Variants in PIP4K2B observed in about 807,000 individuals in gnomAD.
The protein encoded by PIP4K2B is phosphatidylinositol-5-phosphate 4-kinase type 2 beta.
In PIP4K2B, 3 loss-of-function variants were observed where a neutral mutation model predicts 42.0. The observed-to-expected ratio is 0.07, with a 90% CI of 0.03 to 0.18. The LOEUF (loss-of-function observed/expected upper bound fraction) is 0.18. PIP4K2B is among the 10% of genes least tolerant of loss of function. The pLI is 1.00. For synonymous variants in PIP4K2B, 204 were observed against 210.1 expected, an observed-to-expected ratio of 0.97 and a Z score of 0.25; for missense variants, 332 against 562.3, an observed-to-expected ratio of 0.59 and a Z score of 4.14.
intron 1 of PIP4K2B, among the ~76,000 whole-genome samples, chr17:38,788,846 G>C (rs945202372): frequency 6.6e-6 from 1 of 150,660 alleles, no homozygotes; most frequent in Admixed American, 6.7e-5. Context: ...CCAGCTACTC[G>C]GGAGGCTGAG....
Position 38,767,615 on chromosome 17 carries a change from CATT to C in PIP4K2B, c.*2073_*2075del, listed in dbSNP as rs1908773339. ...AAGAATGTGTTACACTTTCCATACACATTATGGCAACATGATCAGCAGACCAAA... is the reference window on the plus strand; with the variant it reads ...AAGAATGTGTTACACTTTCCATACACATGGCAACATGATCAGCAGACCAAA... On this transcript the variant is annotated 3_prime_UTR_variant, in exon 10 of 10. Transcript: ENST00000619039. 2.0e-5 allele frequency: 3 copies of C among 152,288 alleles called. No individual in the cohort carries two copies. The South Asian group carries it at 6.2e-4, about 32-fold the overall frequency. The allele number at this position is 152,288 out of a possible 1,614,324, so 9.4% of individuals were successfully genotyped here.
intron 9 of PIP4K2B, among the ~76,000 whole-genome samples, chr17:38,770,050 C>T (rs73295126): frequency 0.013 from 1,965 of 152,300 alleles, 45 homozygotes; most frequent in African/African-American, 0.045. Context: ...GTGGGGGCCA[C>T]TACATGGAGA....
At chr17:38,791,250 TA>T (rs1910323457) in intron 1 of PIP4K2B, among the ~76,000 whole-genome samples, 1 of 152,048 alleles carries the variant, frequency 6.6e-6, no homozygotes, top group Admixed American at 6.6e-5. Context: ...CCTCTCCTGG[TA>T]TTGCACCAAG....
chr17:38,794,588 T>A (rs1295252554), intron 1 of PIP4K2B, among the ~76,000 whole-genome samples: 25 of 55,696 alleles, frequency 4.5e-4, no homozygotes, highest in East Asian at 1.4e-3. Flanking sequence ...TCCTGGGCAA[T>A]ACAGAGAAAC....
chr17:38,784,012 CCTCT>C (rs1426127839), intron 3 of PIP4K2B, among the ~76,000 whole-genome samples: 21 of 152,210 alleles, frequency 1.4e-4, no homozygotes, highest in Admixed American at 1.3e-3. Flanking sequence ...TGCTGCCCTC[CCTCT>C]GAGGGAGAGG....
At chr17:38,770,901 A>G in intron 8 of PIP4K2B, 113 bp downstream of exon 8, 1 of 1,236,304 alleles carries the variant, frequency 8.1e-7, no homozygotes, top group Non-Finnish European at 1.1e-6. Context: ...AAGAGGTCAA[A>G]GGCAGCAATG....
chr17:38,795,818 CA>C (rs1910630243), intron 1 of PIP4K2B, among the ~76,000 whole-genome samples: 1 of 151,488 alleles, frequency 6.6e-6, no homozygotes, highest in Admixed American at 6.6e-5. Flanking sequence ...TGCTCAACAT[CA>C]TTAGTTATCA....
intron 1 of PIP4K2B, 33 bp from the exon 2 acceptor site, chr17:38,786,953 CAGG>C (rs775806488): frequency 8.0e-5 from 111 of 1,383,824 alleles, no homozygotes; most frequent in Non-Finnish European, 1.1e-4. Flanking sequence ...GGCTCTCAGC[CAGG>C]AGGCCACCTG....
At chr17:38,771,467 G>A (rs1909037560) in intron 7 of PIP4K2B, among the ~76,000 whole-genome samples, 195 bp from the exon 8 acceptor site, 1 of 150,924 alleles carries the variant, frequency 6.6e-6, no homozygotes, top group South Asian at 2.1e-4. Flanking sequence ...ATTCAGCAGG[G>A]GAAAGGCAGG....
At chr17:38,788,993 C>A (rs576976330) in intron 1 of PIP4K2B, among the ~76,000 whole-genome samples, 1 of 151,776 alleles carries the variant, frequency 6.6e-6, no homozygotes, top group East Asian at 1.9e-4. Flanking sequence ...GTCGTGTACA[C>A]CTATCATCCT....
chr17:38,770,057 G>A (rs1044333943), intron 9 of PIP4K2B, among the ~76,000 whole-genome samples: 1 of 152,226 alleles, frequency 6.6e-6, no homozygotes, highest in Non-Finnish European at 1.5e-5. Context: ...CCACTACATG[G>A]AGAACAGGGC....
intron 1 of PIP4K2B, among the ~76,000 whole-genome samples, chr17:38,798,695 C>G (rs1910780052): frequency 6.6e-6 from 1 of 152,136 alleles, no homozygotes; most frequent in Non-Finnish European, 1.5e-5. Context: ...TCAAGGAAGC[C>G]TGTGCTTCTC....
chr17:38,795,239 A>T (rs1027747962), intron 1 of PIP4K2B, among the ~76,000 whole-genome samples: 3 of 152,318 alleles, frequency 2.0e-5, no homozygotes, highest in African/African-American at 7.2e-5. Context: ...TAATAAGAAG[A>T]TAACCCAATT....
chr17:38,793,074 G>A (rs538481775), intron 1 of PIP4K2B, among the ~76,000 whole-genome samples: 163 of 150,788 alleles, frequency 1.1e-3, no homozygotes, highest in African/African-American at 3.9e-3. Flanking sequence ...GATTACAGGC[G>A]CATGCCACCA....
intron 4 of PIP4K2B, chr17:38,779,997 A>T (rs1249574163): frequency 1.7e-5 from 3 of 179,182 alleles, no homozygotes; most frequent in Middle Eastern, 2.5e-3. Flanking sequence ...GGTTTCTGCC[A>T]TAACTCCTGA....
chr17:38,769,771 C>G lies in PIP4K2B; in HGVS notation c.1171G>C (p.Ala391Pro). ...AHAAKTVKHG[A>P]GAEISTVNPE... ...TTCACAGTCGAGATCTCGGCCCCTG[C>G]CTGTAATACACAAGAGGCTGATTCA... The change falls in exon 10 of 10, where the codon GCA (alanine) becomes CCA (proline). Residue 391 changes from alanine (A) to proline (P), a missense_variant and splice_region_variant. Physicochemically the swap from Ala to Pro is conservative, Grantham distance 27. Coordinates refer to ENST00000619039, the MANE Select transcript of PIP4K2B (RefSeq NM_003559.5). 1 of 1,613,914 alleles carries G rather than the reference C, an allele frequency of 6.2e-7. No individual in the cohort carries two copies.
intron 1 of PIP4K2B, among the ~76,000 whole-genome samples, chr17:38,798,171 T>C (rs1910751899): frequency 6.6e-6 from 1 of 152,202 alleles, no homozygotes; most frequent in Admixed American, 6.5e-5. Flanking sequence ...CACTCACAAG[T>C]GAACCTAAAG....
Position 38,771,932 on chromosome 17 carries a change from A to G in PIP4K2B, c.808-660T>C, listed in dbSNP as rs1224739954. On this transcript the variant is annotated intron_variant, in intron 7 of 9. Coordinates refer to ENST00000619039, the MANE Select transcript of PIP4K2B (RefSeq NM_003559.5). Reference sequence around the variant, plus strand: ...GTAGTCCTACCTACTTGGGAGGCTCAAGTGGGAGGATCGCGTGAGCCCAGG... The same window carrying G: ...GTAGTCCTACCTACTTGGGAGGCTCGAGTGGGAGGATCGCGTGAGCCCAGG... Among the ~76,000 whole-genome samples the G allele has an allele frequency of 6.6e-5, 10 of 152,140 alleles. No individual in the cohort carries two copies. In the South Asian group the frequency reaches 1.2e-3, roughly 19 times the overall value.
At position 38,767,537 on chromosome 17, in the gene PIP4K2B, A is replaced by C. The variant is rs1377901161; in HGVS notation, c.*2154T>G. 6.6e-6 allele frequency: 1 copy of C among 152,298 alleles called. No homozygotes were observed. Among genetic ancestry groups the C allele is most frequent in the Non-Finnish European group, 1.5e-5 (1 of 68,040 alleles). The allele number at this position is 152,298 out of a possible 1,614,324, so 9.4% of individuals were successfully genotyped here. ...AAAACACACAAACATACACACACAC[A>C]CACAAACTCAATGTTAAACAAGTTA... On this transcript the variant is annotated 3_prime_UTR_variant, in exon 10 of 10. Coordinates refer to ENST00000619039, the MANE Select transcript of PIP4K2B (RefSeq NM_003559.5).
Sources: gnomAD v4.1 joint callset for allele counts (sites outside exome capture counted in the v4.1 genomes callset) on GRCh38, gnomAD v4.1.1 for gene constraint, MANE v1.5 for transcripts, NCBI Gene and HGNC (gene_info 2026-07-23, HGNC 2026-07-21) for gene names.